The following SPON1 variants were observed in gnomAD, a reference collection of about 807,000 sequenced individuals.
The protein encoded by SPON1 is spondin 1, also known as spondin-1.
SPON1 carries 52 observed loss-of-function variants against 111.7 expected under a neutral mutation model. That is an observed-to-expected ratio of 0.47 (90% CI 0.37 to 0.59). The LOEUF (loss-of-function observed/expected upper bound fraction) is 0.59, where lower values mean the gene tolerates loss of function less well. Ranked by LOEUF, SPON1 falls within the 20% of genes least tolerant of loss-of-function variation. The probability of loss-of-function intolerance (pLI) is 0.00; values close to 1 mark genes in which losing one functional copy is unlikely to be tolerated. For missense variants in SPON1, 957 were observed against 1,068.5 expected, an observed-to-expected ratio of 0.90 and a Z score of 1.46; for synonymous variants, 410 against 395.8, an observed-to-expected ratio of 1.04 and a Z score of -0.43.
intron 6 of SPON1, among the ~76,000 whole-genome samples, chr11:14,171,150 T>C (rs1266028228): frequency 6.6e-6 from 1 of 152,214 alleles, no homozygotes; most frequent in African/African-American, 2.4e-5. Flanking sequence ...GGTAAGCTAT[T>C]AATTATTGCC....
chr11:14,069,537 C>T (rs551500966), intron 3 of SPON1, among the ~76,000 whole-genome samples: 74 of 152,204 alleles, frequency 4.9e-4, no homozygotes, highest in African/African-American at 1.6e-3. Flanking sequence ...ATGGCTCCTC[C>T]ATTATCATGT....
intron 6 of SPON1, among the ~76,000 whole-genome samples, chr11:14,161,287 T>TTA (rs1847959630): frequency 1.7e-5 from 1 of 59,992 alleles, no homozygotes; most frequent in African/African-American, 5.4e-5. Context: ...CTATATATAT[T>TTA]TATATATTTA....
chr11:14,251,487 T>C (rs1302425830), intron 7 of SPON1, among the ~76,000 whole-genome samples: 2 of 152,170 alleles, frequency 1.3e-5, no homozygotes, highest in Non-Finnish European at 2.9e-5. Flanking sequence ...GGGTAATGTG[T>C]TAGGGTGGCA....
chr11:14,155,898 ATTG>A (rs1393521253), intron 6 of SPON1, among the ~76,000 whole-genome samples: 2 of 131,234 alleles, frequency 1.5e-5, no homozygotes, highest in Non-Finnish European at 3.4e-5. Flanking sequence ...CCAGTCTATC[ATTG>A]TTGGACATTT....
chr11:14,246,887 G>T lies in SPON1; in HGVS notation c.890+3491G>T, dbSNP rs116921226. Among the ~76,000 whole-genome samples the T allele has an allele frequency of 1.8e-3, 281 of 152,340 alleles. 1 individual carries two copies. Among genetic ancestry groups the T allele is most frequent in the Non-Finnish European group, 1.7e-3 (114 of 68,034 alleles). On this transcript the variant is annotated intron_variant, in intron 7 of 15. Coordinates refer to ENST00000576479, the MANE Select transcript of SPON1 (RefSeq NM_006108.4). ...AAAGGCAATGAAGCTAAGATCTAAGGAAGCAGTAGGAGTTAACTAAGCAAA... is the reference window on the plus strand; with the variant it reads ...AAAGGCAATGAAGCTAAGATCTAAGTAAGCAGTAGGAGTTAACTAAGCAAA...
intron 2 of SPON1, among the ~76,000 whole-genome samples, chr11:14,002,272 G>A (rs1294475754): frequency 3.7e-4 from 56 of 152,132 alleles, no homozygotes; most frequent in Non-Finnish European, 1.5e-5. Flanking sequence ...ATACTTGTTT[G>A]TAATTCATCT....
At chr11:14,070,871 G>A (rs1400260662) in intron 3 of SPON1, among the ~76,000 whole-genome samples, 6 of 152,026 alleles carry the variant, frequency 3.9e-5, no homozygotes, top group Non-Finnish European at 5.9e-5. Flanking sequence ...TGGCATTTTT[G>A]GAAATGTTCA....
chr11:14,240,714 T>C (rs561247300), intron 6 of SPON1, among the ~76,000 whole-genome samples: 11 of 152,046 alleles, frequency 7.2e-5, no homozygotes, highest in Non-Finnish European at 1.0e-4. Flanking sequence ...GCAAGGTGAA[T>C]CTGCATGGCC....
At position 14,120,713 on chromosome 11, in the gene SPON1, T is replaced by C. The variant is rs1355284179; in HGVS notation, c.677-14707T>C. ...TGTCCTGGTTTGCTACCAATTTCTA[T>C]CTTTCCTAGAGAAATAAAATATTAA... is the stretch of plus-strand genomic sequence containing the variant. On this transcript the variant is annotated intron_variant, in intron 5 of 15. Coordinates refer to ENST00000576479, the MANE Select transcript of SPON1 (RefSeq NM_006108.4). Among the ~76,000 whole-genome samples the C allele has an allele frequency of 2.6e-5, 4 of 152,302 alleles. No individual in the cohort carries two copies. The East Asian group carries it at 7.7e-4, about 29-fold the overall frequency.
intron 2 of SPON1, among the ~76,000 whole-genome samples, chr11:13,991,542 G>A (rs1347657432): frequency 1.3e-5 from 2 of 152,176 alleles, no homozygotes; most frequent in Non-Finnish European, 2.9e-5. Context: ...GCTCAGAGGA[G>A]TTTGTTATTA....
At chr11:14,102,884 C>T (rs1460969317) in intron 5 of SPON1, among the ~76,000 whole-genome samples, 1 of 152,230 alleles carries the variant, frequency 6.6e-6, no homozygotes, top group Non-Finnish European at 1.5e-5. Context: ...TGCTAACATG[C>T]TCCCGATCTT....
chr11:13,973,748 C>T (rs1848080884), intron 1 of SPON1, among the ~76,000 whole-genome samples: 1 of 152,180 alleles, frequency 6.6e-6, no homozygotes, highest in Non-Finnish European at 1.5e-5. Context: ...GAGGTAAATA[C>T]TATTAAATAT....
At chr11:14,158,004 C>G (rs1343185317) in intron 6 of SPON1, among the ~76,000 whole-genome samples, 1 of 151,818 alleles carries the variant, frequency 6.6e-6, no homozygotes, top group Non-Finnish European at 1.5e-5. Context: ...TTGTTTTTCC[C>G]TTGCTTCAGT....
rs188345605 is a variant in SPON1 at position 13,990,113 on chromosome 11, A to G, written c.345+7160A>G. Among the ~76,000 whole-genome samples, 671 of 151,872 alleles carry G rather than the reference A, an allele frequency of 4.4e-3. 4 individuals are homozygous for G. The highest frequency in any genetic ancestry group is 0.016 in the African/African-American group (645 of 41,430). On this transcript the variant is annotated intron_variant, in intron 2 of 15. Coordinates refer to ENST00000576479, the MANE Select transcript of SPON1 (RefSeq NM_006108.4). The stretch of plus-strand genomic sequence containing the variant: ...TCCTGAATATCCTTGTTAATTTTCT[A>G]TCTCATTGATCTGTCTAATATTGGC...
chr11:13,986,578 ATTC>A (rs1848186725), intron 2 of SPON1, among the ~76,000 whole-genome samples: 1 of 147,960 alleles, frequency 6.8e-6, no homozygotes, highest in Non-Finnish European at 1.5e-5. Flanking sequence ...CACTCTGAAT[ATTC>A]TTTTTTTTTT....
At chr11:13,974,403 A>G (rs1223081106) in intron 1 of SPON1, among the ~76,000 whole-genome samples, 1 of 152,210 alleles carries the variant, frequency 6.6e-6, no homozygotes, top group African/African-American at 2.4e-5. Flanking sequence ...GAAACCCAAG[A>G]GACAGAGTGC....
intron 6 of SPON1, among the ~76,000 whole-genome samples, chr11:14,161,303 ATATTTT>A (rs1564920266): frequency 2.1e-4 from 15 of 71,128 alleles, no homozygotes; most frequent in East Asian, 1.6e-3. Flanking sequence ...ATTTATATAT[ATATTTT>A]TTTATATCTA....
Position 14,259,828 on chromosome 11 carries a change from T to A in SPON1, c.1831+127T>A. On this transcript the variant is annotated intron_variant, in intron 13 of 15. Transcript: ENST00000576479. This position sits in a 1 kb window ranked among gnomAD's most constrained non-coding sequence, Gnocchi z 5.0. ...GGAAAGCATGGCCCATGGTCCTTGC[T>A]GGGCACTGCTGGGAGCCAGATGAGA... The A allele has an allele frequency of 9.6e-7, 1 of 1,043,226 alleles. No homozygotes were observed. Among genetic ancestry groups the A allele is most frequent in the Non-Finnish European group, 1.4e-6 (1 of 724,186 alleles). 64.6% of individuals were successfully genotyped at this position (1,043,226 alleles called of 1,614,324 possible). A position where few individuals can be genotyped will look rare whatever the true frequency, so the allele number is the denominator to read the frequency against.
intron 6 of SPON1, among the ~76,000 whole-genome samples, chr11:14,195,166 G>A (rs1352358287): frequency 1.3e-5 from 2 of 152,150 alleles, no homozygotes; most frequent in Middle Eastern, 3.2e-3. Flanking sequence ...CTCAAAAATA[G>A]CATGTTTTCT....
Sources: gnomAD v4.1 joint callset for allele counts (sites outside exome capture counted in the v4.1 genomes callset) on GRCh38, gnomAD v4.1.1 for gene constraint, Gnocchi (gnomAD v3.1) non-coding constraint, MANE v1.5 for transcripts, NCBI Gene and HGNC (gene_info 2026-07-23, HGNC 2026-07-21) for gene names.